ERGIC1: variants seen among roughly 807,000 people sequenced by gnomAD.
The protein encoded by ERGIC1 is endoplasmic reticulum-golgi intermediate compartment 1.
In ERGIC1, 19 loss-of-function variants were observed where a neutral mutation model predicts 38.3. That is an observed-to-expected ratio of 0.50 (90% CI 0.35 to 0.73). The LOEUF (loss-of-function observed/expected upper bound fraction) is 0.73, where lower values mean the gene tolerates loss of function less well. Among genes scored for constraint, ERGIC1 ranks in the 30% least tolerant of loss-of-function variants. The pLI is 0.01. For synonymous variants in ERGIC1, 124 were observed against 157.6 expected (o/e 0.79, Z 1.60); for missense variants, 294 against 389.2 (o/e 0.76, Z 2.06).
At chr5:172,862,307 C>CA (rs58968820) in intron 1 of ERGIC1, among the ~76,000 whole-genome samples, 2,217 of 49,428 alleles carry the variant, frequency 0.045, 470 homozygotes, top group African/African-American at 0.1. Context: ...GACTACATCT[C>CA]AAAAAAAAAA....
intron 1 of ERGIC1, among the ~76,000 whole-genome samples, chr5:172,874,149 G>A (rs1218982853): frequency 6.6e-6 from 1 of 152,086 alleles, no homozygotes; most frequent in Non-Finnish European, 1.5e-5. Flanking sequence ...CGTGATCTTG[G>A]CTCACTGCAA....
chr5:172,899,124 A>T (rs140143063), intron 3 of ERGIC1, among the ~76,000 whole-genome samples: 21 of 152,136 alleles, frequency 1.4e-4, no homozygotes, highest in African/African-American at 5.1e-4. Context: ...AGGTGGCTTT[A>T]TGTGCTGTGG....
intron 2 of ERGIC1, among the ~76,000 whole-genome samples, 200 bp downstream of exon 2, chr5:172,888,960 C>T (rs961057221): frequency 6.6e-6 from 1 of 152,212 alleles, no homozygotes; most frequent in Non-Finnish European, 1.5e-5. Flanking sequence ...GGCACAGGCA[C>T]CATCTGGAAG....
At chr5:172,932,623 ACTTT>A (rs1387526829) in intron 8 of ERGIC1, 87 bp downstream of exon 8, 16 of 1,332,106 alleles carry the variant, frequency 1.2e-5, no homozygotes, top group South Asian at 6.1e-5. Context: ...GCACCGACGC[ACTTT>A]CTTCTGATTC....
chr5:172,842,634 A>T (rs1761187057), intron 1 of ERGIC1, among the ~76,000 whole-genome samples: 1 of 152,130 alleles, frequency 6.6e-6, no homozygotes. Context: ...CCTCCCCACC[A>T]ACGGTGTACA....
intron 3 of ERGIC1, among the ~76,000 whole-genome samples, chr5:172,905,725 T>TC (rs1763000773): frequency 9.8e-6 from 1 of 102,484 alleles, no homozygotes; most frequent in Non-Finnish European, 2.2e-5. Context: ...GAGCTAAAGC[T>TC]CAGCTCGAGC....
intron 5 of ERGIC1, among the ~76,000 whole-genome samples, chr5:172,921,360 AG>A (rs1214881729): frequency 6.6e-6 from 1 of 152,232 alleles, no homozygotes; most frequent in Non-Finnish European, 1.5e-5. Flanking sequence ...CTCCTGACCC[AG>A]CAAGTGTCCC....
rs190562649 is a variant in ERGIC1, at chr5:172,862,054, T to C, written c.21-26645T>C. ...TCACCCAGGCTAGAGTGCAATGGCA[T>C]GATCTCGGCTCGCTGCAACCTCCGC... On this transcript the variant is annotated intron_variant, in intron 1 of 9. Transcript: ENST00000393784. Among the ~76,000 whole-genome samples the C allele has an allele frequency of 2.6e-3, 396 of 151,886 alleles. 3 individuals carry two copies. Among genetic ancestry groups the C allele is most frequent in the Middle Eastern group, 0.024 (7 of 292 alleles).
chr5:172,911,192 C>G (rs941646645), intron 4 of ERGIC1, among the ~76,000 whole-genome samples: 2 of 152,220 alleles, frequency 1.3e-5, no homozygotes, highest in Non-Finnish European at 2.9e-5. Context: ...GGAAGAGTCT[C>G]AGCCCTGTCA....
intron 1 of ERGIC1, among the ~76,000 whole-genome samples, chr5:172,836,829 T>C (rs1432540118): frequency 6.6e-6 from 1 of 152,180 alleles, no homozygotes; most frequent in African/African-American, 2.4e-5. Context: ...CACTTTGGGG[T>C]GCAGACATCG....
chr5:172,929,916 G>A (rs758202196), intron 7 of ERGIC1, among the ~76,000 whole-genome samples: 21 of 152,264 alleles, frequency 1.4e-4, no homozygotes, highest in Admixed American at 1.3e-4. Context: ...GGCTGGGCGC[G>A]GTGGCTAACG....
At chr5:172,876,649 A>G (rs933756587) in intron 1 of ERGIC1, among the ~76,000 whole-genome samples, 5 of 152,224 alleles carry the variant, frequency 3.3e-5, no homozygotes, top group Non-Finnish European at 1.5e-5. Context: ...GAAAAATTTG[A>G]CATATGTATA....
chr5:172,839,069 C>T (rs1302772275), intron 1 of ERGIC1, among the ~76,000 whole-genome samples: 2 of 151,186 alleles, frequency 1.3e-5, no homozygotes, highest in African/African-American at 2.4e-5. Context: ...GGTGAAACCC[C>T]GTCTCTAATA....
chr5:172,894,188 A>AT (rs1762662775), intron 2 of ERGIC1, among the ~76,000 whole-genome samples: 2 of 55,184 alleles, frequency 3.6e-5, no homozygotes, highest in Admixed American at 2.2e-4. Context: ...CCCCGGTACA[A>AT]CTTTTTCTTT....
rs200356225 is a variant in ERGIC1 at position 172,920,744 on chromosome 5, G to T, written c.376-3261G>T. Among the ~76,000 whole-genome samples the T allele has an allele frequency of 3.6e-4, 55 of 152,294 alleles. No individual in the cohort carries two copies. The East Asian group carries it at 8.7e-3, about 24-fold the overall frequency. ...GACTCACTTCACTCCCGGAGCACGCGGCCCAGGCCCCAATCCCAGTTCTGA... is the reference window on the plus strand; with the variant it reads ...GACTCACTTCACTCCCGGAGCACGCTGCCCAGGCCCCAATCCCAGTTCTGA... On this transcript the variant is annotated intron_variant, in intron 5 of 9. Transcript: ENST00000393784.
At chr5:172,893,614 T>A (rs1028424637) in intron 2 of ERGIC1, among the ~76,000 whole-genome samples, 2 of 151,718 alleles carry the variant, frequency 1.3e-5, no homozygotes, top group South Asian at 4.2e-4. Flanking sequence ...TTCCAAGAGG[T>A]TTAATAGCCT....
intron 1 of ERGIC1, among the ~76,000 whole-genome samples, chr5:172,879,134 G>A (rs188710626): frequency 7.9e-4 from 120 of 152,316 alleles, no homozygotes; most frequent in African/African-American, 2.8e-3. Context: ...TCCGAGATTC[G>A]TCTGCAAGAA....
intron 5 of ERGIC1, among the ~76,000 whole-genome samples, chr5:172,918,512 G>A (rs1263488807): frequency 6.6e-6 from 1 of 152,218 alleles, no homozygotes; most frequent in East Asian, 1.9e-4. Flanking sequence ...ACAGGAAGGA[G>A]GAAGCAAAGG....
At chr5:172,915,425 G>A (rs751714655) in intron 5 of ERGIC1, 4 of 407,630 alleles carry the variant, frequency 9.8e-6, no homozygotes, top group Non-Finnish European at 2.0e-5. Context: ...CAGTGATGAG[G>A]AATAAAGCCA....
Sources: gnomAD v4.1 joint callset for allele counts (sites outside exome capture counted in the v4.1 genomes callset) on GRCh38, gnomAD v4.1.1 for gene constraint, MANE v1.5 for transcripts, NCBI Gene and HGNC (gene_info 2026-07-23, HGNC 2026-07-21) for gene names.